The following DMD variants were observed in gnomAD, a reference collection of about 807,000 sequenced individuals.
DMD encodes the protein mutant dystrophin.
Under a neutral mutation model 330.1 loss-of-function variants are expected in DMD, and 63 were observed. The ratio of observed to expected loss-of-function variants is 0.19; its 90% confidence interval spans 0.16 to 0.24. DMD has a LOEUF of 0.24. Ranked by LOEUF, DMD falls within the 10% of genes least tolerant of loss-of-function variation. The probability of loss-of-function intolerance (pLI) is 1.00; values close to 1 mark genes in which losing one functional copy is unlikely to be tolerated. For synonymous variants in DMD, 1,223 were observed against 959.8 expected (o/e 1.27, Z -5.07); for missense variants, 3,344 against 2,684.1 (o/e 1.25, Z -5.43).
At chrX:33,252,105 T>C (rs748429702) in intron 1 of DMD, among the ~76,000 whole-genome samples, 4 of 112,081 alleles carry the variant, frequency 3.6e-5, no homozygotes, top group Admixed American at 1.9e-4. Flanking sequence ...GAAATAAATA[T>C]CTTGAAGATG....
rs139782993 is a variant in DMD at position 32,635,404 on chromosome X, G to C, written c.1331+8728C>G. ...TCCTGCAACAGGGATAATTACTGGAGGCTTCTGTTTGGCGATTTTTCTCCA... is the reference window on the plus strand; with the variant it reads ...TCCTGCAACAGGGATAATTACTGGACGCTTCTGTTTGGCGATTTTTCTCCA... On this transcript the variant is annotated intron_variant, in intron 11 of 78. Coordinates refer to ENST00000357033, the MANE Select transcript of DMD (RefSeq NM_004006.3). Among the ~76,000 whole-genome samples, 765 of 111,462 alleles carry C rather than the reference G, an allele frequency of 6.9e-3. 5 individuals are homozygous for C. Among genetic ancestry groups the C allele is most frequent in the African/African-American group, 0.024 (731 of 30,616 alleles).
chrX:32,993,610 A>G (rs1213365180), intron 2 of DMD, among the ~76,000 whole-genome samples: 1 of 110,574 alleles, frequency 9.0e-6, no homozygotes, highest in African/African-American at 3.3e-5. Flanking sequence ...AAAAAAGGAA[A>G]AAAAAAAACA....
At chrX:32,352,953 T>C (rs1035927674) in intron 37 of DMD, among the ~76,000 whole-genome samples, 4 of 111,192 alleles carry the variant, frequency 3.6e-5, no homozygotes, top group African/African-American at 1.3e-4. Flanking sequence ...GCAATATGTC[T>C]TATACTACTC....
At chrX:32,820,710 G>A (rs181728513) in intron 5 of DMD, among the ~76,000 whole-genome samples, 1 of 111,510 alleles carries the variant, frequency 9.0e-6, no homozygotes, top group East Asian at 2.8e-4. Flanking sequence ...AGCGGGATCT[G>A]CAAACTGGAT....
intron 7 of DMD, among the ~76,000 whole-genome samples, chrX:32,797,624 G>A (rs2076269470): frequency 9.0e-6 from 1 of 111,545 alleles, no homozygotes; most frequent in African/African-American, 3.3e-5. Context: ...TATTTCTTTA[G>A]TCTCATGAAC....
intron 39 of DMD, among the ~76,000 whole-genome samples, chrX:32,344,740 G>A (rs1569559054): frequency 9.0e-6 from 1 of 111,401 alleles, no homozygotes; most frequent in East Asian, 2.8e-4. Flanking sequence ...TTCTTTAGAG[G>A]AATGCCAGAT....
At chrX:32,769,468 C>A (rs895160235) in intron 7 of DMD, among the ~76,000 whole-genome samples, 12 of 111,883 alleles carry the variant, frequency 1.1e-4, no homozygotes, top group Non-Finnish European at 2.1e-4. Flanking sequence ...CACAGCCAAA[C>A]CATATCAGTC....
At chrX:32,184,832 C>CTTTT (rs78157427) in intron 44 of DMD, among the ~76,000 whole-genome samples, 1 of 60,660 alleles carries the variant, frequency 1.6e-5, no homozygotes, top group Non-Finnish European at 3.1e-5. Context: ...CTACAGATGT[C>CTTTT]TTTTTTTTTT....
At chrX:32,639,282 G>C (rs1404229172) in intron 11 of DMD, among the ~76,000 whole-genome samples, 2 of 111,041 alleles carry the variant, frequency 1.8e-5, no homozygotes, top group South Asian at 3.8e-4. Flanking sequence ...TGTTTTCCCT[G>C]TGCCAGTTGT....
intron 64 of DMD, among the ~76,000 whole-genome samples, chrX:31,217,411 G>A (rs952264859): frequency 9.0e-6 from 1 of 111,316 alleles, no homozygotes; most frequent in African/African-American, 3.3e-5. Context: ...TCTGCAATAC[G>A]GAAACATTGA....
At chrX:31,908,462 A>T (rs994412792) in intron 47 of DMD, among the ~76,000 whole-genome samples, 3 of 109,805 alleles carry the variant, frequency 2.7e-5, no homozygotes, top group Admixed American at 9.8e-5. Flanking sequence ...GCAAACTATC[A>T]CAAGGACAGA....
intron 41 of DMD, among the ~76,000 whole-genome samples, chrX:32,341,394 C>T (rs1186061593): frequency 1.8e-5 from 2 of 111,895 alleles, no homozygotes; most frequent in Non-Finnish European, 3.8e-5. Context: ...AGAAGTGAGA[C>T]CAAGCTAACA....
intron 7 of DMD, among the ~76,000 whole-genome samples, chrX:32,762,639 G>A (rs2072468595): frequency 9.0e-6 from 1 of 110,706 alleles, no homozygotes; most frequent in South Asian, 3.9e-4. Flanking sequence ...ATGGCAGGAA[G>A]TTGTCAGCTA....
intron 44 of DMD, among the ~76,000 whole-genome samples, chrX:31,968,945 A>G (rs958858979): frequency 8.1e-5 from 9 of 111,471 alleles, no homozygotes; most frequent in African/African-American, 2.9e-4. Context: ...GTGAAAAAGA[A>G]CAAACATAGG....
At chrX:32,438,794 C>T (rs1362421170) in intron 28 of DMD, among the ~76,000 whole-genome samples, 1 of 111,666 alleles carries the variant, frequency 9.0e-6, no homozygotes, top group Non-Finnish European at 1.9e-5. Flanking sequence ...TTTGCACATA[C>T]ATGGCCTGGA....
intron 54 of DMD, among the ~76,000 whole-genome samples, chrX:31,655,663 G>A (rs749494901): frequency 2.7e-5 from 3 of 110,727 alleles, no homozygotes. Flanking sequence ...CATCATTATT[G>A]TGGGAGTGAG....
At chrX:32,589,518 TTAAC>T (rs1474739855) in intron 13 of DMD, among the ~76,000 whole-genome samples, 1 of 110,689 alleles carries the variant, frequency 9.0e-6, no homozygotes, top group Non-Finnish European at 1.9e-5. Context: ...GTATATAAAT[TTAAC>T]TATATACACA....
At chrX:32,508,408 T>C (rs781448892) in intron 18 of DMD, among the ~76,000 whole-genome samples, 2 of 111,564 alleles carry the variant, frequency 1.8e-5, no homozygotes, top group Admixed American at 9.5e-5. Flanking sequence ...CAGCTGTAGA[T>C]AGTTGATTAA....
chrX:31,563,710 C>T (rs1268057810), intron 55 of DMD, among the ~76,000 whole-genome samples: 1 of 111,284 alleles, frequency 9.0e-6, no homozygotes, highest in African/African-American at 3.3e-5. Context: ...AAACAGACAC[C>T]AATATTAAGG....
Sources: allele counts gnomAD v4.1 joint callset (sites outside exome capture counted in the v4.1 genomes callset), GRCh38; gene constraint gnomAD v4.1.1; transcripts MANE v1.5; gene names NCBI Gene and HGNC (gene_info 2026-07-23, HGNC 2026-07-21).